PSPC1: variants seen among roughly 807,000 people sequenced by gnomAD.
PSPC1 encodes paraspeckle protein 1.
In PSPC1, 14 loss-of-function variants were observed where a neutral mutation model predicts 51.6. That is an observed-to-expected ratio of 0.27 (90% confidence interval 0.18 to 0.42). The LOEUF is 0.42. Ranked by LOEUF, PSPC1 falls within the 10% of genes least tolerant of loss-of-function variation. PSPC1 has a pLI of 1.00. For missense variants in PSPC1, 406 were observed against 701.1 expected, an observed-to-expected ratio of 0.58 and a Z score of 4.75; for synonymous variants, 193 against 231.9, an observed-to-expected ratio of 0.83 and a Z score of 1.53.
At chr13:19,749,337 A>G (rs1360003158) in intron 4 of PSPC1, among the ~76,000 whole-genome samples, 1 of 151,796 alleles carries the variant, frequency 6.6e-6, no homozygotes, top group African/African-American at 2.4e-5. Flanking sequence ...GACAACAGTG[A>G]GACTCCATCT....
chr13:19,679,847 G>A (rs2137581881), intron 6 of PSPC1, among the ~76,000 whole-genome samples: 1 of 152,236 alleles, frequency 6.6e-6, no homozygotes, highest in South Asian at 2.1e-4. Context: ...GGACAACAGT[G>A]TCACTTAATC....
chr13:19,707,367 C>T (rs567269854), intron 7 of PSPC1, among the ~76,000 whole-genome samples: 2 of 152,274 alleles, frequency 1.3e-5, no homozygotes, highest in African/African-American at 4.8e-5. Flanking sequence ...AAAATGTTAG[C>T]ATTATCTGAT....
At chr13:19,734,927 G>C (rs571679624) in intron 5 of PSPC1, among the ~76,000 whole-genome samples, 3 of 149,704 alleles carry the variant, frequency 2.0e-5, no homozygotes, top group Non-Finnish European at 1.5e-5. Flanking sequence ...GCCGTGAGCC[G>C]AGATCACACC....
exon 7 of PSPC1, chr13:19,677,724 C>G (rs1242374239): frequency 2.2e-6 from 1 of 461,012 alleles, no homozygotes; most frequent in East Asian, 6.3e-5. Flanking sequence ...ACGGACTGAC[C>G]TGAAAGGAAG....
intron 6 of PSPC1, among the ~76,000 whole-genome samples, chr13:19,724,862 G>A (rs1883182665): frequency 6.6e-6 from 1 of 152,156 alleles, no homozygotes; most frequent in South Asian, 2.1e-4. Flanking sequence ...ACCCAGGCGT[G>A]GTGGCGCACG....
chr13:19,752,580 T>C (rs1186219398), intron 3 of PSPC1, among the ~76,000 whole-genome samples: 4 of 150,918 alleles, frequency 2.7e-5, no homozygotes, highest in Non-Finnish European at 4.4e-5. Context: ...TTTCACTTTT[T>C]TATTTATTTA....
intron 6 of PSPC1, among the ~76,000 whole-genome samples, chr13:19,725,699 C>G (rs1883294237): frequency 6.6e-6 from 1 of 152,194 alleles, no homozygotes; most frequent in Non-Finnish European, 1.5e-5. Flanking sequence ...AACCCCTCGA[C>G]TGGATGAGAC....
intron 6 of PSPC1, among the ~76,000 whole-genome samples, chr13:19,711,190 T>C (rs191952808): frequency 2.6e-5 from 4 of 152,274 alleles, no homozygotes; most frequent in Middle Eastern, 3.4e-3. Flanking sequence ...ATAAAATTTG[T>C]GACCATTAAT....
At chr13:19,760,438 G>A (rs1297896179) in intron 2 of PSPC1, among the ~76,000 whole-genome samples, 1 of 151,526 alleles carries the variant, frequency 6.6e-6, no homozygotes, top group Non-Finnish European at 1.5e-5. Flanking sequence ...TGAGGTATGA[G>A]AATCGCCTGA....
chr13:19,725,582 A>G (rs533679514), intron 6 of PSPC1, among the ~76,000 whole-genome samples: 1 of 152,222 alleles, frequency 6.6e-6, no homozygotes, highest in South Asian at 2.1e-4. Flanking sequence ...CAACTACTCA[A>G]ATCAGTTTTT....
intron 2 of PSPC1, among the ~76,000 whole-genome samples, chr13:19,760,356 C>T (rs1055754839): frequency 5.3e-5 from 8 of 151,998 alleles, no homozygotes; most frequent in South Asian, 2.1e-4. Flanking sequence ...GGTGAAACCC[C>T]GTTTCTACTA....
At chr13:19,693,222 C>T (rs1436412783) in intron 6 of PSPC1, among the ~76,000 whole-genome samples, 1 of 152,216 alleles carries the variant, frequency 6.6e-6, no homozygotes, top group Non-Finnish European at 1.5e-5. Context: ...AGTATCTACT[C>T]ACCTTCAGGA....
chr13:19,726,346 TAG>T (rs1565997300), intron 6 of PSPC1, among the ~76,000 whole-genome samples: 1 of 152,216 alleles, frequency 6.6e-6, no homozygotes, highest in Non-Finnish European at 1.5e-5. Context: ...AAGCAAGGTG[TAG>T]AGTTTTCTTT....
At chr13:19,691,125 C>T (rs1245342677) in intron 6 of PSPC1, among the ~76,000 whole-genome samples, 2 of 152,196 alleles carry the variant, frequency 1.3e-5, no homozygotes, top group African/African-American at 2.4e-5. Context: ...AACTCTACTC[C>T]TAAATCCATA....
intron 2 of PSPC1, among the ~76,000 whole-genome samples, chr13:19,768,272 GCCAC>G (rs1888261405): frequency 6.6e-6 from 1 of 151,610 alleles, no homozygotes; most frequent in African/African-American, 2.4e-5. Flanking sequence ...TTAAAAACAA[GCCAC>G]AGACTGGCAG....
chr13:19,722,735 C>A lies in PSPC1; in HGVS notation c.1158+7504G>T, dbSNP rs188827120. On this transcript the variant is annotated intron_variant, in intron 6 of 8. Coordinates refer to ENST00000338910, the MANE Select transcript of PSPC1 (RefSeq NM_001354909.2). ...CTTGAACCTGGGAGGCGGAGGTTGC[C>A]ATGAGCTGAGATCGCGCCACTGTAC... Among the ~76,000 whole-genome samples the A allele has an allele frequency of 4.7e-3, 708 of 151,822 alleles. 5 individuals carry two copies. The highest frequency in any genetic ancestry group is 0.027 in the South Asian group (128 of 4,804).
intron 3 of PSPC1, among the ~76,000 whole-genome samples, chr13:19,757,734 C>A (rs1476449530): frequency 1.3e-5 from 2 of 152,208 alleles, no homozygotes; most frequent in African/African-American, 2.4e-5. Flanking sequence ...CTCAGGCCCA[C>A]ACTGCAGAGT....
At chr13:19,711,656 A>AAAAAAG (rs1565982871) in intron 6 of PSPC1, among the ~76,000 whole-genome samples, 1 of 149,236 alleles carries the variant, frequency 6.7e-6, no homozygotes, top group South Asian at 2.1e-4. Context: ...AAAAAAAAAA[A>AAAAAAG]AAAAAGAAAC....
chr13:19,673,157 T>C (rs1876250080), downstream of PSPC1: 1 of 453,250 alleles, frequency 2.2e-6, no homozygotes, highest in East Asian at 7.0e-5. Context: ...ACTGGGAAGA[T>C]GGGGCTTAGG....
Sources: gnomAD v4.1 joint callset for allele counts (sites outside exome capture counted in the v4.1 genomes callset) on GRCh38, gnomAD v4.1.1 for gene constraint, MANE v1.5 for transcripts, NCBI Gene and HGNC (gene_info 2026-07-23, HGNC 2026-07-21) for gene names.